Variants in GOLGA4 observed in about 807,000 individuals in gnomAD.
GOLGA4 encodes golgin A4, also known as golgin subfamily A member 4.
Under a neutral mutation model 265.9 loss-of-function variants are expected in GOLGA4, and 169 were observed. The observed-to-expected ratio is 0.64, with a 90% confidence interval of 0.56 to 0.72. The LOEUF (loss-of-function observed/expected upper bound fraction) is 0.72, where lower values mean the gene tolerates loss of function less well. Among genes scored for constraint, GOLGA4 ranks in the 30% least tolerant of loss-of-function variants. The probability of loss-of-function intolerance (pLI) is 0.00; values close to 1 mark genes in which losing one functional copy is unlikely to be tolerated. For missense variants in GOLGA4, 2,482 were observed against 2,483.4 expected (o/e 1.00, Z 0.01); for synonymous variants, 923 against 855.8 (o/e 1.08, Z -1.37).
intron 23 of GOLGA4, among the ~76,000 whole-genome samples, chr3:37,364,626 C>T (rs115619344): frequency 0.014 from 2,030 of 148,000 alleles, 43 homozygotes; most frequent in African/African-American, 0.049. Flanking sequence ...AGCATGGTCA[C>T]ACCAGCCTAG....
In GOLGA4 at chr3:37,340,154, T is replaced by C. The variant is rs1190557333; in HGVS notation, c.6427T>C (p.Tyr2143His). The C allele has an allele frequency of 4.2e-6, 6 of 1,425,724 alleles. No homozygotes were observed. The highest frequency in any genetic ancestry group is 4.8e-5 in the East Asian group (2 of 42,088). The allele number at this position is 1,425,724 out of a possible 1,614,324, so 88.3% of individuals were successfully genotyped here. A position where few individuals can be genotyped will look rare whatever the true frequency, so the allele number is the denominator to read the frequency against. Residue 2143 changes from tyrosine to histidine, a missense_variant, in exon 20 of 24, where the codon TAT becomes CAT. Tyr to His is a moderately conservative substitution (Grantham distance 83). Around this residue, in one of 3 missense-constraint regions of GOLGA4, gnomAD observed 942 missense variants for 983.1 expected, o/e 0.96. Coordinates refer to ENST00000361924, the MANE Select transcript of GOLGA4 (RefSeq NM_002078.5). ...IHNLEDRLKKYEKNVYATTVG... is the reference protein window; with the variant it reads ...IHNLEDRLKKHEKNVYATTVG... ...CAATTTAGAAGACCGTTTGAAGAAA[T>C]ATGAAAAGAATGTATATGCAACAAC...
rs145187039 is a variant in GOLGA4, at chr3:37,332,177, C to T, written c.6193-2876C>T. ...GTTTCCCATTGTCACAGTGATACCT[C>T]GTCTAGTTTGGTCTGTGTTCCAGCC... is the stretch of plus-strand genomic sequence containing the variant. On this transcript the variant is annotated intron_variant, in intron 16 of 23. Coordinates refer to ENST00000361924, the MANE Select transcript of GOLGA4 (RefSeq NM_002078.5). Among the ~76,000 whole-genome samples the T allele has an allele frequency of 1.2e-4, 19 of 152,314 alleles. 1 individual carries two copies. The East Asian group carries it at 3.7e-3, about 29-fold the overall frequency.
chr3:37,322,536 C>G (rs4375996), intron 13 of GOLGA4, among the ~76,000 whole-genome samples: 1 of 152,096 alleles, frequency 6.6e-6, no homozygotes, highest in Non-Finnish European at 1.5e-5. Context: ...ACTCATAGTT[C>G]TAAACCATGC....
chr3:37,293,853 T>C (rs2096871184), intron 5 of GOLGA4, among the ~76,000 whole-genome samples: 1 of 152,234 alleles, frequency 6.6e-6, no homozygotes, highest in African/African-American at 2.4e-5. Flanking sequence ...ACCTGCTATA[T>C]ACCTAGGCAA....
intron 23 of GOLGA4, among the ~76,000 whole-genome samples, chr3:37,365,479 G>A (rs1281717570): frequency 1.3e-5 from 2 of 152,162 alleles, no homozygotes; most frequent in Non-Finnish European, 2.9e-5. Context: ...TGTTGGCCAG[G>A]CTGGTCTCAA....
intron 21 of GOLGA4, among the ~76,000 whole-genome samples, chr3:37,347,908 T>G (rs1255117633): frequency 6.6e-6 from 1 of 152,224 alleles, no homozygotes. Flanking sequence ...ATTGGACATT[T>G]GGTAAATATA....
intron 1 of GOLGA4, chr3:37,245,327 T>G (rs1406457264): frequency 1.3e-5 from 2 of 152,474 alleles, no homozygotes; most frequent in Non-Finnish European, 1.5e-5. Context: ...CTCGAAGAGG[T>G]GAAGTAACTT....
chr3:37,344,322 G>T (rs529812671), intron 20 of GOLGA4, among the ~76,000 whole-genome samples: 2 of 152,142 alleles, frequency 1.3e-5, no homozygotes, highest in African/African-American at 4.8e-5. Context: ...GGCTGGTCTC[G>T]AACTCCTGAC....
chr3:37,249,484 G>A (rs1284573876), intron 1 of GOLGA4, among the ~76,000 whole-genome samples: 1 of 151,294 alleles, frequency 6.6e-6, no homozygotes, highest in Non-Finnish European at 1.5e-5. Context: ...GTGCAATCTT[G>A]GCTCACTGCA....
intron 4 of GOLGA4, among the ~76,000 whole-genome samples, chr3:37,286,448 C>A (rs192539103): frequency 6.6e-6 from 1 of 152,070 alleles, no homozygotes; most frequent in African/African-American, 2.4e-5. Context: ...CCACCGCGCC[C>A]GGCCTATAGT....
rs932740700 is a variant in GOLGA4 at position 37,325,016 on chromosome 3, A to G, written c.3130A>G (p.Ile1044Val). 4 of 1,612,954 alleles carry G rather than the reference A, an allele frequency of 2.5e-6. No homozygotes were observed. The highest frequency in any genetic ancestry group is 1.1e-5 in the South Asian group (1 of 90,902). The change falls in exon 14 of 24, where the codon ATA (isoleucine) becomes GTA (valine). Residue 1044 changes from isoleucine to valine, a missense_variant. By Grantham distance (29) the Ile-to-Val change is conservative. Transcript: ENST00000361924. ...TCATCGACGAGAACTCAATGATGTC[A>G]TATCAATCTGGGAAAAGAAACTTAA... ...EVHRRELNDV[I>V]SIWEKKLNQQ...
intron 10 of GOLGA4, among the ~76,000 whole-genome samples, chr3:37,315,050 G>A (rs1383283762): frequency 6.6e-6 from 1 of 152,056 alleles, no homozygotes; most frequent in Non-Finnish European, 1.5e-5. Flanking sequence ...TAGAGCAAAC[G>A]AAAAACAATT....
intron 10 of GOLGA4, among the ~76,000 whole-genome samples, chr3:37,310,528 A>G (rs757513701): frequency 5.3e-5 from 8 of 152,168 alleles, no homozygotes; most frequent in Non-Finnish European, 1.5e-5. Context: ...TGAGCTACAG[A>G]TTGTCAACCT....
At chr3:37,297,993 C>T (rs907113102) in intron 7 of GOLGA4, among the ~76,000 whole-genome samples, 2 of 151,812 alleles carry the variant, frequency 1.3e-5, no homozygotes, top group African/African-American at 4.8e-5. Flanking sequence ...CATGCCACTG[C>T]ACTCCAGTCT....
At chr3:37,362,547 T>A (rs191125548) in intron 23 of GOLGA4, among the ~76,000 whole-genome samples, 17 of 151,674 alleles carry the variant, frequency 1.1e-4, no homozygotes, top group Non-Finnish European at 2.5e-4. Flanking sequence ...TTATTTATTT[T>A]TTTTTAAAAA....
rs557813979 is a variant in GOLGA4 at position 37,362,074 on chromosome 3, G to A, written c.*33+769G>A. Among the ~76,000 whole-genome samples the A allele has an allele frequency of 1.5e-3, 224 of 152,170 alleles. 2 individuals are homozygous for A. In the Middle Eastern group the frequency reaches 0.017, roughly 12 times the overall value. Reference sequence around the variant, plus strand: ...TAGAATTTTCACAAAATCAAAAACAGATCACAATTAGTAGGGCTTCACTAT... The same window carrying A: ...TAGAATTTTCACAAAATCAAAAACAAATCACAATTAGTAGGGCTTCACTAT... On this transcript the variant is annotated intron_variant, in intron 23 of 23. Coordinates refer to ENST00000361924, the MANE Select transcript of GOLGA4 (RefSeq NM_002078.5).
In GOLGA4 at chr3:37,366,660, G is replaced by GC. The variant is rs1696768110; in HGVS notation, c.*616dup. On this transcript the variant is annotated 3_prime_UTR_variant, in exon 24 of 24. Transcript: ENST00000361924. ...AAAACACTACTGTAAATTGTGAATAGCCAATACATAACTGTATTGTATGCA... is the reference window on the plus strand; with the variant it reads ...AAAACACTACTGTAAATTGTGAATAGCCCAATACATAACTGTATTGTATGCA... The GC allele has an allele frequency of 6.6e-6, 1 of 152,624 alleles. No homozygotes were observed. The highest frequency in any genetic ancestry group is 2.4e-5 in the African/African-American group (1 of 41,440). The allele number at this position is 152,624 out of a possible 1,614,324, so 9.5% of individuals were successfully genotyped here.
chr3:37,342,645 C>G (rs1180898061), intron 20 of GOLGA4, among the ~76,000 whole-genome samples: 3 of 152,024 alleles, frequency 2.0e-5, no homozygotes, highest in African/African-American at 7.3e-5. Flanking sequence ...TGAGAGTTAT[C>G]CAGATTGTGT....
intron 11 of GOLGA4, among the ~76,000 whole-genome samples, chr3:37,318,424 A>G (rs1371614420): frequency 1.3e-5 from 2 of 152,040 alleles, no homozygotes; most frequent in African/African-American, 4.8e-5. Context: ...GTGCTGTTCT[A>G]TTGCTTTGTC....
Sources: gnomAD v4.1 joint callset for allele counts (sites outside exome capture counted in the v4.1 genomes callset) on GRCh38, gnomAD v4.1.1 for gene constraint, gnomAD v4.1.1 regional missense constraint, MANE v1.5 for transcripts, NCBI Gene and HGNC (gene_info 2026-07-23, HGNC 2026-07-21) for gene names.